Variants in ACYP2 observed in about 807,000 individuals in gnomAD.
The protein encoded by ACYP2 is acylphosphatase-2.
A neutral mutation model predicts 11.2 loss-of-function variants in ACYP2; 12 were observed. That is an observed-to-expected ratio of 1.08 (90% CI 0.69 to 1.74). ACYP2 has a LOEUF of 1.74. Ranked by LOEUF, ACYP2 falls within the 40% of genes most tolerant of loss-of-function variation. The probability of loss-of-function intolerance (pLI) is 0.00; values close to 1 mark genes in which losing one functional copy is unlikely to be tolerated. For synonymous variants in ACYP2, 43 were observed against 32.2 expected, an observed-to-expected ratio of 1.33 and a Z score of -1.13; for missense variants, 134 against 101.9, an observed-to-expected ratio of 1.31 and a Z score of -1.35.
At chr2:54,029,582 T>G (rs1400716344) in intron 2 of ACYP2, 1 of 395,038 alleles carries the variant, frequency 2.5e-6, no homozygotes, top group East Asian at 6.3e-5. Flanking sequence ...GGTGCTTCAG[T>G]TGAATCCAGG....
chr2:54,275,811 T>C (rs1341078439), intron 6 of ACYP2, among the ~76,000 whole-genome samples: 1 of 152,212 alleles, frequency 6.6e-6, no homozygotes, highest in African/African-American at 2.4e-5. Context: ...CCCTGCTTGA[T>C]TTGCCTAATG....
intron 2 of ACYP2, chr2:53,973,905 ATATTTT>A (rs1558445460): frequency 1.3e-5 from 1 of 78,594 alleles, no homozygotes; most frequent in Non-Finnish European, 2.4e-5. Context: ...GTGTGTGTAT[ATATTTT>A]TTTTTTTTTT....
intron 6 of ACYP2, among the ~76,000 whole-genome samples, chr2:54,229,247 G>A (rs1186131619): frequency 6.6e-6 from 1 of 152,212 alleles, no homozygotes; most frequent in African/African-American, 2.4e-5. Context: ...CCCAAAGACT[G>A]TGGAACAGGG....
intron 6 of ACYP2, among the ~76,000 whole-genome samples, chr2:54,251,628 T>A: frequency 6.6e-6 from 1 of 152,198 alleles, no homozygotes; most frequent in East Asian, 1.9e-4. Flanking sequence ...GTGTCTCATG[T>A]TTCTGCATAT....
At chr2:54,009,298 C>G (rs1170575540) in intron 2 of ACYP2, among the ~76,000 whole-genome samples, 1 of 152,088 alleles carries the variant, frequency 6.6e-6, no homozygotes, top group Non-Finnish European at 1.5e-5. Flanking sequence ...GTGGCTCACA[C>G]CTGTAATCCC....
At chr2:53,986,227 G>A (rs1672029346) in intron 2 of ACYP2, among the ~76,000 whole-genome samples, 1 of 152,146 alleles carries the variant, frequency 6.6e-6, no homozygotes, top group African/African-American at 2.4e-5. Flanking sequence ...CTCTGCATAT[G>A]CTGTCTCTTC....
At chr2:54,231,260 G>A (rs1050745137) in intron 6 of ACYP2, among the ~76,000 whole-genome samples, 3 of 152,158 alleles carry the variant, frequency 2.0e-5, no homozygotes, top group African/African-American at 7.2e-5. Flanking sequence ...GTCACAGGCT[G>A]TGGTCACTCA....
Position 54,305,058 on chromosome 2 carries a change from C to G in ACYP2, c.*256C>G, listed in dbSNP as rs1250276605. The G allele has an allele frequency of 3.8e-6, 1 of 259,756 alleles. No homozygotes were observed. Among genetic ancestry groups the G allele is most frequent in the African/African-American group, 2.2e-5 (1 of 45,258 alleles). The allele number at this position is 259,756 out of a possible 1,614,324, so 16.1% of individuals were successfully genotyped here. On this transcript the variant is annotated 3_prime_UTR_variant, in exon 7 of 7. Transcript: ENST00000607452. ...GTGTGAACATTTAATTTAAACTTGT[C>G]TCATGGAATCTTTAATTTCAATGAA...
chr2:54,231,348 G>A (rs1686230613), intron 6 of ACYP2, among the ~76,000 whole-genome samples: 2 of 152,116 alleles, frequency 1.3e-5, no homozygotes, highest in Admixed American at 6.6e-5. Flanking sequence ...ATGTGTCTGA[G>A]ATACATATAC....
chr2:54,139,146 C>A (rs898854596), intron 6 of ACYP2, among the ~76,000 whole-genome samples: 1 of 152,176 alleles, frequency 6.6e-6, no homozygotes, highest in African/African-American at 2.4e-5. Flanking sequence ...ATTGTGGCTT[C>A]CCTCTCCAAT....
intron 6 of ACYP2, among the ~76,000 whole-genome samples, chr2:54,201,263 G>A (rs937259641): frequency 2.6e-5 from 4 of 152,046 alleles, no homozygotes; most frequent in Non-Finnish European, 5.9e-5. Flanking sequence ...CCGCCACCAC[G>A]CCCGACTAAT....
At chr2:54,218,287 C>A (rs1214452357) in intron 6 of ACYP2, among the ~76,000 whole-genome samples, 1 of 152,200 alleles carries the variant, frequency 6.6e-6, no homozygotes, top group East Asian at 1.9e-4. Context: ...TCATCCTTGA[C>A]TCCTTGACTG....
At chr2:54,255,740 C>G (rs1306275078) in intron 6 of ACYP2, 8 of 1,613,894 alleles carry the variant, frequency 5.0e-6, no homozygotes, top group African/African-American at 2.7e-5. Context: ...ACTTCAGACT[C>G]CGACCTCCCT....
chr2:53,977,334 C>T (rs531273769), intron 2 of ACYP2, among the ~76,000 whole-genome samples: 15 of 152,224 alleles, frequency 9.9e-5, no homozygotes, highest in Middle Eastern at 3.4e-3. Flanking sequence ...CGTGAGCCGC[C>T]GCGCCTGGCC....
At chr2:54,298,147 G>A (rs1232617719) in intron 6 of ACYP2, among the ~76,000 whole-genome samples, 2 of 152,190 alleles carry the variant, frequency 1.3e-5, no homozygotes, top group Non-Finnish European at 2.9e-5. Context: ...TAGGGATTAA[G>A]TAAATATATC....
chr2:54,275,897 A>G (rs1573035095), intron 6 of ACYP2, among the ~76,000 whole-genome samples: 1 of 152,184 alleles, frequency 6.6e-6, no homozygotes, highest in East Asian at 1.9e-4. Flanking sequence ...AAAGTGCAAC[A>G]TTAAGCGTAT....
chr2:54,277,659 TAGAG>T (rs1303257312), intron 6 of ACYP2, among the ~76,000 whole-genome samples: 6 of 151,962 alleles, frequency 3.9e-5, no homozygotes, highest in South Asian at 2.1e-4. Context: ...GCCTGGGCGA[TAGAG>T]AGAGACTCCG....
At chr2:54,178,107 T>C (rs1028837683) in intron 6 of ACYP2, among the ~76,000 whole-genome samples, 2 of 152,138 alleles carry the variant, frequency 1.3e-5, no homozygotes, top group African/African-American at 2.4e-5. Context: ...GGTTTCATCA[T>C]GTTGGCCAGG....
intron 2 of ACYP2, among the ~76,000 whole-genome samples, chr2:53,979,431 A>G (rs1482406034): frequency 6.6e-6 from 1 of 151,994 alleles, no homozygotes; most frequent in Non-Finnish European, 1.5e-5. Context: ...AATTGAGACC[A>G]TCCTAGCCAA....
Sources: gnomAD v4.1 joint callset for allele counts (sites outside exome capture counted in the v4.1 genomes callset) on GRCh38, gnomAD v4.1.1 for gene constraint, MANE v1.5 for transcripts, NCBI Gene and HGNC (gene_info 2026-07-23, HGNC 2026-07-21) for gene names.